The following RELL1 variants were observed in gnomAD, a reference collection of about 807,000 sequenced individuals.
The protein encoded by RELL1 is RELT-like protein 1.
Under a neutral mutation model 23.0 loss-of-function variants are expected in RELL1, and 10 were observed. That is an observed-to-expected ratio of 0.43 (90% CI 0.27 to 0.74). The LOEUF (loss-of-function observed/expected upper bound fraction) is 0.74. RELL1 is among the 30% of genes least tolerant of loss of function. The pLI is 0.19. For missense variants in RELL1, 315 were observed against 364.4 expected (o/e 0.86, Z 1.10); for synonymous variants, 146 against 146.8 (o/e 0.99, Z 0.04).
chr4:37,596,736 A>ATT (rs1178565372), intron 6 of RELL1, among the ~76,000 whole-genome samples: 5 of 16,506 alleles, frequency 3.0e-4, no homozygotes, highest in Non-Finnish European at 6.0e-4. Context: ...ATATATATAT[A>ATT]TTTTTTTTTT....
intron 1 of RELL1, 60 bp from the exon 2 acceptor site, chr4:37,649,560 G>T: frequency 6.9e-7 from 1 of 1,439,192 alleles, no homozygotes; most frequent in South Asian, 1.2e-5. Flanking sequence ...AAAACCTAAT[G>T]ACTCTCAGGT....
intron 1 of RELL1, among the ~76,000 whole-genome samples, chr4:37,666,078 T>C (rs990646665): frequency 6.6e-6 from 1 of 152,140 alleles, no homozygotes; most frequent in Admixed American, 6.5e-5. Flanking sequence ...GCCTCTAGGA[T>C]GCTCAACTAC....
At chr4:37,664,078 T>C (rs1181992133) in intron 1 of RELL1, among the ~76,000 whole-genome samples, 3 of 152,156 alleles carry the variant, frequency 2.0e-5, no homozygotes, top group Admixed American at 6.5e-5. Context: ...TAATTTTAAC[T>C]GCAAAAAACA....
chr4:37,668,398 G>A (rs1480203628), intron 1 of RELL1, among the ~76,000 whole-genome samples: 2 of 152,142 alleles, frequency 1.3e-5, no homozygotes, highest in African/African-American at 4.8e-5. Context: ...GTATTTTTTG[G>A]GTGGAGACGG....
At chr4:37,657,281 C>T (rs536158480) in intron 1 of RELL1, among the ~76,000 whole-genome samples, 91 of 152,284 alleles carry the variant, frequency 6.0e-4, no homozygotes, top group Middle Eastern at 3.4e-3. Context: ...ATGAAATGGA[C>T]GGCAAGATGC....
In RELL1 at chr4:37,612,367, G is replaced by C. The variant is rs923354124; in HGVS notation, c.*979C>G. 6.6e-6 allele frequency among the ~76,000 whole-genome samples: 1 copy of C among 150,842 alleles called. No homozygotes were observed. Among genetic ancestry groups the C allele is most frequent in the South Asian group, 2.1e-4 (1 of 4,800 alleles). ...AAAAAAACAAAAAACCGGGTGCAGTGGCCCACGCCTATATTCCCAGCACTT... is the reference window on the plus strand; with the variant it reads ...AAAAAAACAAAAAACCGGGTGCAGTCGCCCACGCCTATATTCCCAGCACTT... On this transcript the variant is annotated 3_prime_UTR_variant, in exon 7 of 7. Coordinates refer to ENST00000454158, the MANE Select transcript of RELL1 (RefSeq NM_001085400.2).
At chr4:37,590,750 C>T, downstream of RELL1, 11 of 1,613,880 alleles carry the variant, frequency 6.8e-6, no homozygotes, top group Non-Finnish European at 9.3e-6. Flanking sequence ...TTGAATACGC[C>T]CTTCTCTGTG....
chr4:37,669,600 G>T (rs928001836), intron 1 of RELL1, among the ~76,000 whole-genome samples: 3 of 152,234 alleles, frequency 2.0e-5, no homozygotes, highest in Non-Finnish European at 2.9e-5. Context: ...AGGGGGGAAA[G>T]GTGGGGAAAA....
At chr4:37,664,900 C>T (rs561885978) in intron 1 of RELL1, among the ~76,000 whole-genome samples, 7 of 152,092 alleles carry the variant, frequency 4.6e-5, no homozygotes, top group Non-Finnish European at 1.0e-4. Flanking sequence ...AGACATACCA[C>T]GGTCAAAGGC....
intron 1 of RELL1, among the ~76,000 whole-genome samples, chr4:37,685,650 G>A (rs1722378260): frequency 6.6e-6 from 1 of 152,158 alleles, no homozygotes; most frequent in African/African-American, 2.4e-5. Context: ...CAGGATATAT[G>A]GGAAGAAATG....
intron 6 of RELL1, among the ~76,000 whole-genome samples, chr4:37,618,595 T>C (rs7670489): frequency 0.033 from 5,078 of 152,266 alleles, 112 homozygotes; most frequent in Middle Eastern, 0.068. Flanking sequence ...CACAATTCAT[T>C]TACTTAATCT....
intron 6 of RELL1, among the ~76,000 whole-genome samples, chr4:37,592,033 C>T (rs536955651): frequency 2.6e-3 from 399 of 151,936 alleles, no homozygotes; most frequent in Non-Finnish European, 3.9e-3. Flanking sequence ...ATAGTGAAAC[C>T]CTGTCTCTAC....
intron 1 of RELL1, among the ~76,000 whole-genome samples, chr4:37,685,814 C>G (rs543976268): frequency 3.3e-5 from 5 of 152,386 alleles, no homozygotes; most frequent in African/African-American, 1.2e-4. Flanking sequence ...GTGTCACGAT[C>G]TTCCGCTCGC....
chr4:37,673,835 A>G (rs936266207), intron 1 of RELL1, among the ~76,000 whole-genome samples: 4 of 152,178 alleles, frequency 2.6e-5, no homozygotes, highest in African/African-American at 9.7e-5. Context: ...ACTACACAGT[A>G]AAGTGCAGTT....
At chr4:37,602,726 G>A (rs1719048696) in intron 6 of RELL1, among the ~76,000 whole-genome samples, 1 of 152,188 alleles carries the variant, frequency 6.6e-6, no homozygotes, top group Non-Finnish European at 1.5e-5. Flanking sequence ...TTTTACAGAT[G>A]GCATTGAGGC....
chr4:37,661,951 AG>A (rs1166547558), intron 1 of RELL1, among the ~76,000 whole-genome samples: 2 of 152,200 alleles, frequency 1.3e-5, no homozygotes, highest in Non-Finnish European at 2.9e-5. Flanking sequence ...ATGACTGGGC[AG>A]GGAGGGGACA....
chr4:37,609,672 A>T (rs555828133), downstream of RELL1, among the ~76,000 whole-genome samples: 5 of 152,256 alleles, frequency 3.3e-5, no homozygotes, highest in African/African-American at 4.8e-5. Flanking sequence ...GGAGTCTGGA[A>T]GTTGATTCCA....
intron 3 of RELL1, 128 bp from the exon 4 acceptor site, chr4:37,638,632 G>A (rs889188157): frequency 2.9e-6 from 2 of 689,150 alleles, no homozygotes; most frequent in Non-Finnish European, 4.8e-6. Flanking sequence ...TGGGGGCCTA[G>A]AGAAAGGAGG....
intron 1 of RELL1, among the ~76,000 whole-genome samples, chr4:37,669,921 G>A (rs982773643): frequency 1.3e-5 from 2 of 151,564 alleles, no homozygotes; most frequent in African/African-American, 2.4e-5. Context: ...AGGGTCCTCT[G>A]CCTAGGAAAA....
Sources: allele counts gnomAD v4.1 joint callset (sites outside exome capture counted in the v4.1 genomes callset), GRCh38; gene constraint gnomAD v4.1.1; transcripts MANE v1.5; gene names NCBI Gene and HGNC (gene_info 2026-07-23, HGNC 2026-07-21).